Variants in NEK9 observed in about 807,000 individuals in gnomAD.
NEK9 encodes NIMA related kinase 9, also known as serine/threonine-protein kinase Nek9.
In NEK9, 75 loss-of-function variants were observed where a neutral mutation model predicts 123.4. That is an observed-to-expected ratio of 0.61 (90% CI 0.50 to 0.74). NEK9 has a LOEUF of 0.74. NEK9 is among the 30% of genes least tolerant of loss of function. The pLI is 0.00. For synonymous variants in NEK9, 438 were observed against 458.7 expected (o/e 0.95, Z 0.58); for missense variants, 952 against 1,214.4 (o/e 0.78, Z 3.21).
At chr14:75,115,114 T>TGCAC (rs1895096431) in intron 6 of NEK9, among the ~76,000 whole-genome samples, 1 of 147,178 alleles carries the variant, frequency 6.8e-6, no homozygotes, top group African/African-American at 2.5e-5. Flanking sequence ...CGTGTGTGCG[T>TGCAC]ACACACACAC....
intron 17 of NEK9, 102 bp downstream of exon 17, chr14:75,096,995 GCTT>G: frequency 9.3e-7 from 1 of 1,070,942 alleles, no homozygotes; most frequent in Middle Eastern, 2.7e-4. Flanking sequence ...TACAGAAATG[GCTT>G]CTTCAGGACA....
At chr14:75,100,161 A>C (rs544965850) in intron 16 of NEK9, among the ~76,000 whole-genome samples, 2,160 of 125,052 alleles carry the variant, frequency 0.017, 96 homozygotes, top group African/African-American at 0.059. Context: ...AAAAAAAAAA[A>C]AAAGGCCAGG....
Position 75,106,689 on chromosome 14 carries a change from G to C in NEK9, c.1341C>G (p.Leu447=). The C allele has an allele frequency of 1.2e-6, 2 of 1,610,548 alleles. No homozygotes were observed. ...FTVCVTDEGQ[L]YAFGSDYYGC... ...CATAATAATCTGATCCGAAGGCATA[G>C]AGCTGACCCTCATCTGCAAAAGAAA... The change falls in exon 12 of 22, where the codon CTC becomes CTG. Residue 447 remains leucine (L), a synonymous_variant. Coordinates refer to ENST00000238616, the MANE Select transcript of NEK9 (RefSeq NM_033116.6).
intron 16 of NEK9, among the ~76,000 whole-genome samples, chr14:75,097,918 C>T (rs762513655): frequency 8.5e-5 from 13 of 152,118 alleles, no homozygotes; most frequent in African/African-American, 1.7e-4. Context: ...AAGGAAGGGA[C>T]GGAATAACAG....
At chr14:75,121,270 A>T in intron 2 of NEK9, 96 bp from the exon 3 acceptor site, 1 of 890,400 alleles carries the variant, frequency 1.1e-6, no homozygotes, top group Non-Finnish European at 1.8e-6. Flanking sequence ...GAAATGAAGG[A>T]TTCTGCTTTC....
rs1433374391 is a variant in NEK9 at position 75,095,295 on chromosome 14, T to A, written c.2233+77A>T. 5.2e-6 allele frequency: 5 copies of A among 952,540 alleles called. No individual in the cohort carries two copies. In the Admixed American group the frequency reaches 8.7e-5, roughly 17 times the overall value. 59.0% of individuals were successfully genotyped at this position (952,540 alleles called of 1,614,324 possible). A position where few individuals can be genotyped will look rare whatever the true frequency, so the allele number is the denominator to read the frequency against. On this transcript the variant is annotated intron_variant, in intron 18 of 21. Transcript: ENST00000238616. ...AAGACATTTCCCATTTTCCTTTGGGTTTTGGAGTCTACATGGAATCTAACC... is the reference window on the plus strand; with the variant it reads ...AAGACATTTCCCATTTTCCTTTGGGATTTGGAGTCTACATGGAATCTAACC...
intron 2 of NEK9, among the ~76,000 whole-genome samples, chr14:75,122,782 C>A (rs952471334): frequency 4.0e-5 from 6 of 148,382 alleles, no homozygotes; most frequent in Non-Finnish European, 3.0e-5. Context: ...TGAGCCACCA[C>A]GCCCAGCTTT....
At chr14:75,109,130 T>G (rs982308263) in intron 10 of NEK9, among the ~76,000 whole-genome samples, 1 of 152,152 alleles carries the variant, frequency 6.6e-6, no homozygotes, top group African/African-American at 2.4e-5. Context: ...GAAGCTGCAT[T>G]GTAGGTGAAT....
At position 75,116,436 on chromosome 14, in the gene NEK9, A is replaced by C. The variant is rs895046374; in HGVS notation, c.762+759T>G. ...CTGGGCAACAGAGTGAGACCCAAATAAAACAATTATCTTTTGCTCCCTTCC... is the reference window on the plus strand; with the variant it reads ...CTGGGCAACAGAGTGAGACCCAAATCAAACAATTATCTTTTGCTCCCTTCC... On this transcript the variant is annotated intron_variant, in intron 6 of 21. Coordinates refer to ENST00000238616, the MANE Select transcript of NEK9 (RefSeq NM_033116.6). 2.7e-5 allele frequency: 8 copies of C among 292,942 alleles called. 1 individual carries two copies. Among genetic ancestry groups the C allele is most frequent in the Middle Eastern group, 2.7e-3 (2 of 736 alleles). 18.1% of individuals were successfully genotyped at this position (292,942 alleles called of 1,614,324 possible).
At position 75,105,904 on chromosome 14, in the gene NEK9, G is replaced by C. The variant is rs780856309; in HGVS notation, c.1575+46C>G. On this transcript the variant is annotated intron_variant, in intron 13 of 21. Transcript: ENST00000238616. The stretch of plus-strand genomic sequence containing the variant: ...GAAAGAGGACATATTATTGGAGTCT[G>C]TGCGACTTAAGATAGGTTTTAGAAA... The C allele has an allele frequency of 1.2e-5, 17 of 1,439,282 alleles. No homozygotes were observed. The East Asian group carries it at 3.9e-4, about 33-fold the overall frequency. 89.2% of individuals were successfully genotyped at this position (1,439,282 alleles called of 1,614,324 possible). A position where few individuals can be genotyped will look rare whatever the true frequency, so the allele number is the denominator to read the frequency against.
At chr14:75,108,833 T>C (rs921802941) in intron 10 of NEK9, among the ~76,000 whole-genome samples, 1 of 152,040 alleles carries the variant, frequency 6.6e-6, no homozygotes, top group East Asian at 1.9e-4. Flanking sequence ...GAGACTTCAG[T>C]TGTGAGCCAC....
intron 1 of NEK9, among the ~76,000 whole-genome samples, chr14:75,124,999 T>G (rs2139816049): frequency 6.6e-6 from 1 of 150,586 alleles, no homozygotes; most frequent in South Asian, 2.1e-4. Context: ...GGTCTAGAAC[T>G]CCTGGCCTCA....
intron 9 of NEK9, 90 bp from the exon 10 acceptor site, chr14:75,109,967 C>A: frequency 8.1e-7 from 1 of 1,236,976 alleles, no homozygotes; most frequent in Non-Finnish European, 1.1e-6. Flanking sequence ...AGAAGAACTG[C>A]CAATTATGGT....
intron 1 of NEK9, among the ~76,000 whole-genome samples, chr14:75,124,939 T>G (rs1314868359): frequency 1.4e-3 from 1 of 738 alleles, no homozygotes; most frequent in East Asian, 0.17. Flanking sequence ...CTCAGCTAAA[T>G]TTTTTTTTTT....
At chr14:75,107,249 T>C in intron 11 of NEK9, 94 bp downstream of exon 11, 4 of 1,314,394 alleles carry the variant, frequency 3.0e-6, no homozygotes, top group Non-Finnish European at 4.2e-6. Context: ...TTGTATACTG[T>C]CTTTTGTTTT....
intron 9 of NEK9, 51 bp from the exon 10 acceptor site, chr14:75,109,928 A>C (rs1894906281): frequency 6.6e-7 from 1 of 1,522,456 alleles, no homozygotes; most frequent in Non-Finnish European, 8.9e-7. Flanking sequence ...AAACAATATC[A>C]AAGAAAAATG....
intron 16 of NEK9, among the ~76,000 whole-genome samples, chr14:75,099,350 T>C (rs1352158254): frequency 2.6e-5 from 4 of 151,046 alleles, no homozygotes; most frequent in East Asian, 2.0e-4. Flanking sequence ...GAAAATGAAA[T>C]GTGAGTTGTT....
chr14:75,091,254 C>G lies in NEK9; in HGVS notation c.2442+16G>C. 1 of 1,596,502 alleles carries G rather than the reference C, an allele frequency of 6.3e-7. No individual in the cohort carries two copies. Among genetic ancestry groups the G allele is most frequent in the Non-Finnish European group, 8.5e-7 (1 of 1,172,690 alleles). The stretch of plus-strand genomic sequence containing the variant: ...GCCACATATTTTATCCAAGTTACTT[C>G]TTCCAAAGGAATTACCTTTCGAAGC... On this transcript the variant is annotated intron_variant, in intron 19 of 21. Transcript: ENST00000238616.
chr14:75,099,704 C>T (rs1894499844), intron 16 of NEK9, among the ~76,000 whole-genome samples: 1 of 150,934 alleles, frequency 6.6e-6, no homozygotes. Flanking sequence ...ATCGCTTGAA[C>T]CTGGGAGGCG....
Sources: allele counts gnomAD v4.1 joint callset (sites outside exome capture counted in the v4.1 genomes callset), GRCh38; gene constraint gnomAD v4.1.1; transcripts MANE v1.5; gene names NCBI Gene and HGNC (gene_info 2026-07-23, HGNC 2026-07-21).